APBB2: variants seen among roughly 807,000 people sequenced by gnomAD.
APBB2 encodes the protein amyloid beta precursor protein binding family B member 2, also known as Fe65-like 1.
Under a neutral mutation model 82.5 loss-of-function variants are expected in APBB2, and 38 were observed. That is an observed-to-expected ratio of 0.46 (90% confidence interval 0.36 to 0.60). APBB2 has a LOEUF of 0.60. Among genes scored for constraint, APBB2 ranks in the 20% least tolerant of loss-of-function variants. APBB2 has a pLI of 0.00. For synonymous variants in APBB2, 341 were observed against 368.2 expected, an observed-to-expected ratio of 0.93 and a Z score of 0.85; for missense variants, 772 against 972.3, an observed-to-expected ratio of 0.79 and a Z score of 2.74.
intron 6 of APBB2, among the ~76,000 whole-genome samples, chr4:40,974,955 A>G (rs1248015525): frequency 6.6e-6 from 1 of 152,224 alleles, no homozygotes; most frequent in Non-Finnish European, 1.5e-5. Flanking sequence ...AATGTGCAGA[A>G]TATTCTCCAA....
At chr4:40,878,938 G>A (rs1423739847) in intron 12 of APBB2, among the ~76,000 whole-genome samples, 5 of 152,064 alleles carry the variant, frequency 3.3e-5, no homozygotes, top group Non-Finnish European at 2.9e-5. Context: ...CTTGGAAATT[G>A]GGTTCTTGCT....
At chr4:41,200,367 A>T (rs1446602597) in intron 1 of APBB2, among the ~76,000 whole-genome samples, 1 of 151,366 alleles carries the variant, frequency 6.6e-6, no homozygotes, top group African/African-American at 2.4e-5. Context: ...GGAAGAAATG[A>T]ATGACCTATT....
At chr4:40,879,539 CTA>C (rs1392023025) in intron 12 of APBB2, among the ~76,000 whole-genome samples, 1 of 152,140 alleles carries the variant, frequency 6.6e-6, no homozygotes, top group African/African-American at 2.4e-5. Flanking sequence ...CTAGGGAACT[CTA>C]TGAAGAGTCA....
At chr4:41,026,772 G>C (rs565314293) in intron 5 of APBB2, among the ~76,000 whole-genome samples, 1 of 152,090 alleles carries the variant, frequency 6.6e-6, no homozygotes, top group Non-Finnish European at 1.5e-5. Flanking sequence ...GCTATTATGA[G>C]TTAACACTCA....
At chr4:41,015,042 C>T (rs185283954) in intron 5 of APBB2, among the ~76,000 whole-genome samples, 2 of 152,190 alleles carry the variant, frequency 1.3e-5, no homozygotes, top group East Asian at 1.9e-4. Context: ...CTGAAGAACA[C>T]GTACACACGC....
intron 3 of APBB2, among the ~76,000 whole-genome samples, chr4:41,073,858 AATACAATG>A (rs1303562722): frequency 6.6e-6 from 1 of 152,242 alleles, no homozygotes; most frequent in Non-Finnish European, 1.5e-5. Flanking sequence ...GTGTGTAATG[AATACAATG>A]ATACAATGAA....
At chr4:41,200,225 T>C (rs1325465450) in intron 1 of APBB2, among the ~76,000 whole-genome samples, 2 of 152,202 alleles carry the variant, frequency 1.3e-5, no homozygotes, top group Non-Finnish European at 2.9e-5. Context: ...GCAAACATTG[T>C]GGTGAAAATG....
intron 6 of APBB2, among the ~76,000 whole-genome samples, chr4:40,983,072 AC>A (rs879844394): frequency 6.6e-6 from 1 of 152,212 alleles, no homozygotes; most frequent in Admixed American, 6.5e-5. Context: ...TTTATTGAGC[AC>A]TTACCATGAA....
rs1333722838 is a variant in APBB2 at position 41,013,787 on chromosome 4, G to T, written c.631C>A (p.Pro211Thr). The change falls in exon 6 of 18, where the codon CCA becomes ACA. Residue 211 changes from proline to threonine, a missense_variant. By Grantham distance (38) the Pro-to-Thr change is conservative. Transcript: ENST00000508593. ...IGNGDLLLQKPNRPQSSPEDG... is the reference protein window; with the variant it reads ...IGNGDLLLQKTNRPQSSPEDG... Reference sequence around the variant, plus strand: ...TCAGGGCTGGACTGGGGTCTGTTTGGTTTCTGCAGCAGCAAATCGCCATTC... The same window carrying T: ...TCAGGGCTGGACTGGGGTCTGTTTGTTTTCTGCAGCAGCAAATCGCCATTC... 1.2e-6 allele frequency: 2 copies of T among 1,614,112 alleles called. No individual in the cohort carries two copies. Among genetic ancestry groups the T allele is most frequent in the African/African-American group, 2.7e-5 (2 of 74,954 alleles).
intron 5 of APBB2, among the ~76,000 whole-genome samples, chr4:41,025,120 T>C (rs1038781107): frequency 6.6e-6 from 1 of 152,120 alleles, no homozygotes; most frequent in Non-Finnish European, 1.5e-5. Context: ...TCCTCCAGTT[T>C]CACCATGATC....
At chr4:40,836,118 G>C (rs1753846394) in intron 12 of APBB2, among the ~76,000 whole-genome samples, 1 of 152,162 alleles carries the variant, frequency 6.6e-6, no homozygotes, top group African/African-American at 2.4e-5. Flanking sequence ...CCTGCGGTCT[G>C]GGCAGGAGAC....
chr4:41,045,157 T>A (rs1453200925), intron 4 of APBB2, among the ~76,000 whole-genome samples: 1 of 152,192 alleles, frequency 6.6e-6, no homozygotes, highest in East Asian at 1.9e-4. Context: ...AATTTCTAAT[T>A]CTTTCTTGAG....
chr4:41,157,401 TG>T (rs2154031622), intron 1 of APBB2, among the ~76,000 whole-genome samples: 1 of 152,344 alleles, frequency 6.6e-6, no homozygotes, highest in Non-Finnish European at 1.5e-5. Context: ...AAGAGAACTT[TG>T]TTTACCATTG....
At chr4:40,966,960 G>T (rs557060033) in intron 6 of APBB2, among the ~76,000 whole-genome samples, 1 of 152,312 alleles carries the variant, frequency 6.6e-6, no homozygotes, top group Admixed American at 6.5e-5. Context: ...CCATGGACCA[G>T]GGTGAGAATT....
chr4:40,863,911 A>AAAAAAG (rs1763406985), intron 12 of APBB2, among the ~76,000 whole-genome samples: 1 of 149,868 alleles, frequency 6.7e-6, no homozygotes, highest in Non-Finnish European at 1.5e-5. Flanking sequence ...AAAAAAAAAA[A>AAAAAAG]AAAAAGCAAG....
At chr4:40,931,388 G>A (rs529470757) in intron 10 of APBB2, among the ~76,000 whole-genome samples, 1 of 151,928 alleles carries the variant, frequency 6.6e-6, no homozygotes, top group Non-Finnish European at 1.5e-5. Context: ...CTCCCACCTC[G>A]GTCTCCCAGG....
chr4:40,865,271 G>A (rs930874075), intron 12 of APBB2, among the ~76,000 whole-genome samples: 4 of 152,146 alleles, frequency 2.6e-5, no homozygotes, highest in African/African-American at 7.2e-5. Context: ...ACACAGTCAC[G>A]GAGGGCCAAG....
intron 10 of APBB2, among the ~76,000 whole-genome samples, chr4:40,898,083 G>A (rs1035686559): frequency 2.0e-5 from 3 of 152,242 alleles, no homozygotes; most frequent in South Asian, 4.1e-4. Flanking sequence ...GCTACTTTCT[G>A]GCTGGTGACT....
At chr4:40,875,833 A>C (rs1274651784) in intron 12 of APBB2, among the ~76,000 whole-genome samples, 1 of 151,710 alleles carries the variant, frequency 6.6e-6, no homozygotes, top group Non-Finnish European at 1.5e-5. Context: ...AAAGGTGAGG[A>C]TTTCATTGCC....
Sources: allele counts gnomAD v4.1 joint callset (sites outside exome capture counted in the v4.1 genomes callset), GRCh38; gene constraint gnomAD v4.1.1; transcripts MANE v1.5; gene names NCBI Gene and HGNC (gene_info 2026-07-23, HGNC 2026-07-21).